The following NUMB variants were observed in gnomAD, a reference collection of about 807,000 sequenced individuals.
NUMB encodes the protein protein numb homolog.
In NUMB, 29 loss-of-function variants were observed where a neutral mutation model predicts 59.7. That is an observed-to-expected ratio of 0.49 (90% CI 0.36 to 0.66). The LOEUF is 0.66. Among genes scored for constraint, NUMB ranks in the 30% least tolerant of loss-of-function variants. The pLI is 0.00. For missense variants in NUMB, 723 were observed against 822.0 expected, an observed-to-expected ratio of 0.88 and a Z score of 1.47; for synonymous variants, 288 against 288.2, an observed-to-expected ratio of 1.00 and a Z score of 0.01.
At chr14:73,422,305 A>G (rs1456365191) in intron 1 of NUMB, among the ~76,000 whole-genome samples, 1 of 152,152 alleles carries the variant, frequency 6.6e-6, no homozygotes, top group Non-Finnish European at 1.5e-5. Flanking sequence ...TGTGGCAACC[A>G]AAAGTGCATC....
In NUMB at chr14:73,353,072, G is replaced by GTTTTTT. The variant is rs71112737; in HGVS notation, c.126+2548_126+2553dup. Among the ~76,000 whole-genome samples the GTTTTTT allele has an allele frequency of 9.9e-4, 58 of 58,506 alleles. 7 individuals are homozygous for GTTTTTT. The highest frequency in any genetic ancestry group is 1.5e-3 in the African/African-American group (27 of 17,562). The allele number at this position is 58,506 out of a possible 152,430, so 38.4% of individuals were successfully genotyped here. A position where few individuals can be genotyped will look rare whatever the true frequency, so the allele number is the denominator to read the frequency against. ...CTTAATGGATGCCACAGTTTTTCTT[G>GTTTTTT]TTTTTTTTTTTTTTTTTTTTTTTTT... On this transcript the variant is annotated intron_variant, in intron 4 of 12. Coordinates refer to ENST00000555238, the MANE Select transcript of NUMB (RefSeq NM_001005743.2).
intron 4 of NUMB, among the ~76,000 whole-genome samples, chr14:73,324,118 A>T (rs928482609): frequency 1.3e-5 from 2 of 152,188 alleles, no homozygotes; most frequent in Non-Finnish European, 2.9e-5. Flanking sequence ...GATTAACTGT[A>T]TCACAGAAGA....
intron 1 of NUMB, among the ~76,000 whole-genome samples, chr14:73,440,723 C>G (rs1460698989): frequency 2.0e-5 from 3 of 148,180 alleles, no homozygotes; most frequent in Non-Finnish European, 4.4e-5. Flanking sequence ...CCCAGCTACT[C>G]GAGAGGCTGA....
chr14:73,285,332 T>C lies in NUMB; in HGVS notation c.656-958A>G, dbSNP rs992766991. 2.6e-5 allele frequency: 4 copies of C among 152,130 alleles called. No individual in the cohort carries two copies. In the East Asian group the frequency reaches 7.7e-4, roughly 29 times the overall value. The allele number at this position is 152,130 out of a possible 1,614,324, so 9.4% of individuals were successfully genotyped here. The stretch of plus-strand genomic sequence containing the variant: ...TTTGTAGATCTTGGGACTCAATCTC[T>C]TTGCAGTTGTTGTGCATAACAATGA... On this transcript the variant is annotated intron_variant, in intron 9 of 12. Coordinates refer to ENST00000555238, the MANE Select transcript of NUMB (RefSeq NM_001005743.2).
intron 1 of NUMB, among the ~76,000 whole-genome samples, chr14:73,456,836 C>T (rs567726748): frequency 6.6e-5 from 10 of 152,302 alleles, no homozygotes; most frequent in African/African-American, 2.4e-4. Flanking sequence ...TTATTGGGCC[C>T]CACCCCAGAC....
In NUMB at chr14:73,327,093, T is replaced by A. The variant is rs191836700; in HGVS notation, c.127-3889A>T. The stretch of plus-strand genomic sequence containing the variant: ...TTTCCACATTTTTTCCTACAATTTT[T>A]AAAAATAAGAGTCCTTTCCCTGGCA... On this transcript the variant is annotated intron_variant, in intron 4 of 12. Transcript: ENST00000555238. 6.8e-3 allele frequency among the ~76,000 whole-genome samples: 1,035 copies of A among 152,268 alleles called. 4 individuals are homozygous for A. Among genetic ancestry groups the A allele is most frequent in the South Asian group, 0.03 (145 of 4,824 alleles).
At chr14:73,309,268 A>T (rs1890634958) in intron 6 of NUMB, among the ~76,000 whole-genome samples, 1 of 152,218 alleles carries the variant, frequency 6.6e-6, no homozygotes, top group Non-Finnish European at 1.5e-5. Context: ...AGACACTTGC[A>T]CATGTATGTT....
chr14:73,362,389 AGGAGGAAAAGGG>A (rs1030318853), intron 3 of NUMB, among the ~76,000 whole-genome samples: 8 of 30,460 alleles, frequency 2.6e-4, no homozygotes, highest in Non-Finnish European at 4.2e-4. Context: ...GAGGGAAAAG[AGGAGGAAAAGGG>A]GGAGGAGGAG....
At chr14:73,420,036 T>C (rs1295441544) in intron 1 of NUMB, among the ~76,000 whole-genome samples, 2 of 152,194 alleles carry the variant, frequency 1.3e-5, no homozygotes, top group Non-Finnish European at 2.9e-5. Context: ...CAGCTAACTT[T>C]TGTACCTTTA....
At chr14:73,366,626 A>C (rs1894358721) in intron 3 of NUMB, among the ~76,000 whole-genome samples, 1 of 152,206 alleles carries the variant, frequency 6.6e-6, no homozygotes, top group African/African-American at 2.4e-5. Flanking sequence ...AATGTCACAC[A>C]ACAAGTAAAT....
intron 10 of NUMB, among the ~76,000 whole-genome samples, chr14:73,283,256 A>C (rs1267378432): frequency 6.6e-6 from 1 of 152,184 alleles, no homozygotes; most frequent in Non-Finnish European, 1.5e-5. Context: ...AGAACTGAAA[A>C]GACCCTCCGT....
rs1294713545 is a variant in NUMB at position 73,316,437 on chromosome 14, G to A, written c.202-15C>T. 1 of 1,612,998 alleles carries A rather than the reference G, an allele frequency of 6.2e-7. No individual in the cohort carries two copies. Among genetic ancestry groups the A allele is most frequent in the Non-Finnish European group, 8.5e-7 (1 of 1,179,318 alleles). On this transcript the variant is annotated splice_polypyrimidine_tract_variant and intron_variant, in intron 5 of 12. Coordinates refer to ENST00000555238, the MANE Select transcript of NUMB (RefSeq NM_001005743.2). ...AACTTCCTTTCCTGGAGGAACAGGG[G>A]GACAAGTCGAGTGCTATTATTGTAT...
intron 12 of NUMB, among the ~76,000 whole-genome samples, chr14:73,277,763 A>T (rs1888278777): frequency 1.6e-5 from 1 of 62,766 alleles, no homozygotes. Context: ...ATTCTGTCTT[A>T]AAAAAAAAAA....
intron 1 of NUMB, among the ~76,000 whole-genome samples, chr14:73,429,099 C>T (rs1341338197): frequency 6.6e-6 from 1 of 152,206 alleles, no homozygotes; most frequent in Non-Finnish European, 1.5e-5. Flanking sequence ...GGGCCGGGCA[C>T]AGTGGCTCAC....
intron 8 of NUMB, among the ~76,000 whole-genome samples, chr14:73,290,589 T>G (rs1187141065): frequency 1.3e-5 from 2 of 152,352 alleles, no homozygotes; most frequent in East Asian, 3.9e-4. Flanking sequence ...GGCCACTACT[T>G]ATCTTCCAGA....
chr14:73,410,480 T>C (rs923939470), intron 1 of NUMB, among the ~76,000 whole-genome samples: 1 of 152,178 alleles, frequency 6.6e-6, no homozygotes, highest in African/African-American at 2.4e-5. Flanking sequence ...ATGGGATTGA[T>C]TTTATCATCT....
intron 3 of NUMB, among the ~76,000 whole-genome samples, chr14:73,365,756 CTTACTA>C (rs367792370): frequency 1.5e-3 from 233 of 152,258 alleles, no homozygotes; most frequent in African/African-American, 4.9e-3. Context: ...CAGATATAAA[CTTACTA>C]TTAGTAAATA....
chr14:73,395,096 A>C (rs1311101027), intron 2 of NUMB, among the ~76,000 whole-genome samples: 1 of 89,144 alleles, frequency 1.1e-5, no homozygotes, highest in African/African-American at 3.5e-5. Context: ...TGTGTGTTAC[A>C]TGTGGCTGTA....
chr14:73,297,219 T>C lies in NUMB; in HGVS notation c.301A>G (p.Lys101Glu). 2 of 1,592,724 alleles carry C rather than the reference T, an allele frequency of 1.3e-6. No homozygotes were observed. Among genetic ancestry groups the C allele is most frequent in the East Asian group, 2.2e-5 (1 of 44,640 alleles). ...AAAATAAAGAATCTTACCTTAGTTT[T>C]TTCATCCACAACTCTGAGTCCATCT... is the stretch of plus-strand genomic sequence containing the variant. ...SADGLRVVDEKTKDLIVDQTI... is the reference protein window; with the variant it reads ...SADGLRVVDEETKDLIVDQTI... Residue 101 changes from lysine (K) to glutamate (E), a missense_variant, in exon 7 of 13, where the codon AAA becomes GAA. Lys to Glu is a moderately conservative substitution (Grantham distance 56). This residue lies in a region of NUMB where 317 missense variants were observed against 436.6 expected (regional missense o/e 0.73). Coordinates refer to ENST00000555238, the MANE Select transcript of NUMB (RefSeq NM_001005743.2).
Sources: gnomAD v4.1 joint callset for allele counts (sites outside exome capture counted in the v4.1 genomes callset) on GRCh38, gnomAD v4.1.1 for gene constraint, gnomAD v4.1.1 regional missense constraint, MANE v1.5 for transcripts, NCBI Gene and HGNC (gene_info 2026-07-23, HGNC 2026-07-21) for gene names.